Variants in CALN1 observed in about 807,000 individuals in gnomAD.
CALN1 encodes calcium-binding protein 8.
CALN1 carries 17 observed loss-of-function variants against 30.6 expected under a neutral mutation model. The observed-to-expected ratio is 0.56, with a 90% CI of 0.38 to 0.83. CALN1 has a LOEUF of 0.83. Among genes scored for constraint, CALN1 ranks in the 40% least tolerant of loss-of-function variants. The pLI is 0.00. For missense variants in CALN1, 291 were observed against 354.9 expected, an observed-to-expected ratio of 0.82 and a Z score of 1.45; for synonymous variants, 156 against 131.4, an observed-to-expected ratio of 1.19 and a Z score of -1.28.
chr7:72,259,626 T>A (rs567602496), intron 3 of CALN1, among the ~76,000 whole-genome samples: 1 of 152,310 alleles, frequency 6.6e-6, no homozygotes, highest in Non-Finnish European at 1.5e-5. Context: ...CAAGTGACTT[T>A]TAATCCCTTT....
At chr7:71,856,567 G>GA (rs148607018) in intron 5 of CALN1, among the ~76,000 whole-genome samples, 7 of 152,150 alleles carry the variant, frequency 4.6e-5, no homozygotes, top group Non-Finnish European at 4.4e-5. Flanking sequence ...AAAACATCTG[G>GA]AAAAAATAGA....
intron 4 of CALN1, among the ~76,000 whole-genome samples, chr7:72,059,191 A>G (rs1243679937): frequency 6.6e-6 from 1 of 152,204 alleles, no homozygotes; most frequent in Non-Finnish European, 1.5e-5. Flanking sequence ...CATTCCATCT[A>G]TGGTCTTCAA....
intron 2 of CALN1, among the ~76,000 whole-genome samples, chr7:72,292,899 C>T (rs1008731568): frequency 3.3e-5 from 5 of 151,828 alleles, no homozygotes; most frequent in South Asian, 2.1e-4. Context: ...GCTGGGAAAC[C>T]GGAGTCTCAT....
At chr7:72,409,413 C>T (rs1585689050) in intron 1 of CALN1, among the ~76,000 whole-genome samples, 1 of 149,588 alleles carries the variant, frequency 6.7e-6, no homozygotes, top group African/African-American at 2.4e-5. Flanking sequence ...CACATACCTC[C>T]CTTCCTCAGA....
In CALN1 at chr7:72,292,336, C is replaced by T. The variant is rs989841835; in HGVS notation, c.120-13526G>A. 5.3e-5 allele frequency among the ~76,000 whole-genome samples: 8 copies of T among 151,736 alleles called. No homozygotes were observed. In the South Asian group the frequency reaches 1.0e-3, roughly 20 times the overall value. On this transcript the variant is annotated intron_variant, in intron 2 of 6. Transcript: ENST00000395275. Reference sequence around the variant, plus strand: ...CATTGTGTCCCCATGAGGTGGACAGCAGAGAGCGCTCTGGTCTCTTTGTCC... The same window carrying T: ...CATTGTGTCCCCATGAGGTGGACAGTAGAGAGCGCTCTGGTCTCTTTGTCC...
intron 6 of CALN1, among the ~76,000 whole-genome samples, chr7:71,788,627 T>C (rs1195677083): frequency 6.6e-6 from 1 of 151,728 alleles, no homozygotes; most frequent in African/African-American, 2.4e-5. Flanking sequence ...CCTGAGTAGC[T>C]GGAACTACAA....
chr7:72,059,905 G>A (rs905191959), intron 4 of CALN1, among the ~76,000 whole-genome samples: 3 of 152,160 alleles, frequency 2.0e-5, no homozygotes, highest in Admixed American at 6.5e-5. Context: ...TGCAGAGAAC[G>A]CATGGAACAG....
chr7:71,862,849 G>C (rs1791370709), intron 5 of CALN1, among the ~76,000 whole-genome samples: 1 of 152,178 alleles, frequency 6.6e-6, no homozygotes, highest in Admixed American at 6.6e-5. Context: ...AAATTCAGGA[G>C]ACAGGGCGCC....
chr7:72,063,217 C>T (rs567742663), intron 4 of CALN1, among the ~76,000 whole-genome samples: 1 of 152,286 alleles, frequency 6.6e-6, no homozygotes, highest in East Asian at 1.9e-4. Flanking sequence ...CAGAACGGTA[C>T]ACCCTCAAAT....
chr7:72,258,192 T>C (rs1253625967), intron 3 of CALN1, among the ~76,000 whole-genome samples: 1 of 152,196 alleles, frequency 6.6e-6, no homozygotes, highest in Non-Finnish European at 1.5e-5. Context: ...TTCAGTGTGA[T>C]TTCACAATCC....
intron 6 of CALN1, among the ~76,000 whole-genome samples, chr7:71,802,146 A>T (rs1200409551): frequency 6.6e-6 from 1 of 152,164 alleles, no homozygotes; most frequent in East Asian, 1.9e-4. Context: ...CCTGGAAGCA[A>T]GCACCATCAA....
chr7:72,072,121 G>C (rs1804438654), intron 4 of CALN1, among the ~76,000 whole-genome samples: 1 of 152,112 alleles, frequency 6.6e-6, no homozygotes, highest in Non-Finnish European at 1.5e-5. Context: ...ATAGTGGCTG[G>C]AAACTCCCCC....
At chr7:71,793,122 T>C (rs1255951626) in intron 6 of CALN1, among the ~76,000 whole-genome samples, 1 of 151,886 alleles carries the variant, frequency 6.6e-6, no homozygotes, top group Admixed American at 6.6e-5. Flanking sequence ...TTGGCCAACA[T>C]AGTGAAACTC....
chr7:72,125,341 A>C (rs1808673136), intron 3 of CALN1, among the ~76,000 whole-genome samples: 1 of 152,168 alleles, frequency 6.6e-6, no homozygotes, highest in African/African-American at 2.4e-5. Context: ...TCAGATGCAA[A>C]TGCAGCCAAT....
At chr7:71,871,452 G>T (rs1241556544) in intron 5 of CALN1, among the ~76,000 whole-genome samples, 1 of 152,062 alleles carries the variant, frequency 6.6e-6, no homozygotes, top group Admixed American at 6.6e-5. Context: ...AAAGCATCAA[G>T]TTGCCACCTC....
At chr7:72,397,714 T>TCTCACACACACACACACACACACACA (rs142607076) in intron 2 of CALN1, among the ~76,000 whole-genome samples, 8 of 142,806 alleles carry the variant, frequency 5.6e-5, no homozygotes, top group Non-Finnish European at 1.2e-4. Context: ...CCATTCTCTC[T>TCTCACACACACACACACACACACACA]CACACACACA....
rs151292535 is a variant in CALN1, at chr7:71,798,714, G to A, written c.659-10812C>T. On this transcript the variant is annotated intron_variant, in intron 6 of 6. Coordinates refer to ENST00000395275, the MANE Select transcript of CALN1 (RefSeq NM_031468.4). ...TCGGCTCACTGCAACCTCTGCCTCC[G>A]GGGTTCAAGCAATTCTCCTGCCTCA... is the stretch of plus-strand genomic sequence containing the variant. Among the ~76,000 whole-genome samples the A allele has an allele frequency of 3.0e-3, 431 of 145,752 alleles. 1 individual carries two copies. Among genetic ancestry groups the A allele is most frequent in the African/African-American group, 9.0e-3 (355 of 39,230 alleles).
At chr7:71,909,910 A>C (rs896362858) in intron 5 of CALN1, among the ~76,000 whole-genome samples, 3 of 152,196 alleles carry the variant, frequency 2.0e-5, no homozygotes, top group African/African-American at 7.2e-5. Context: ...ATTTATAAAG[A>C]AAAGAAGTTT....
intron 2 of CALN1, among the ~76,000 whole-genome samples, chr7:72,364,111 TCTA>T (rs1803735962): frequency 6.6e-6 from 1 of 152,054 alleles, no homozygotes; most frequent in Non-Finnish European, 1.5e-5. Flanking sequence ...TGAAAACTCT[TCTA>T]AGGGACACGA....
Sources: allele counts gnomAD v4.1 joint callset (sites outside exome capture counted in the v4.1 genomes callset), GRCh38; gene constraint gnomAD v4.1.1; transcripts MANE v1.5; gene names NCBI Gene and HGNC (gene_info 2026-07-23, HGNC 2026-07-21).